The following KATNBL1 variants were observed in gnomAD, a reference collection of about 807,000 sequenced individuals.
KATNBL1 encodes KATNB1-like protein 1.
In KATNBL1, 28 loss-of-function variants were observed where a neutral mutation model predicts 44.7. That is an observed-to-expected ratio of 0.63 (90% confidence interval 0.46 to 0.86). The LOEUF is 0.86. Among genes scored for constraint, KATNBL1 ranks in the 40% least tolerant of loss-of-function variants. The pLI is 0.00. For missense variants in KATNBL1, 272 were observed against 350.7 expected (o/e 0.78, Z 1.79); for synonymous variants, 78 against 114.9 (o/e 0.68, Z 2.06).
Position 34,146,848 on chromosome 15 carries a change from T to A in KATNBL1, c.701A>T (p.Tyr234Phe). ...AAGCCAGTTTAAACCAACTATAACA[T>A]ATCTGAAATGACATTTTGTTACAAA... is the stretch of plus-strand genomic sequence containing the variant. ...KSLLKSKFEE[Y>F]VIVGLNWLQA... The change falls in exon 8 of 10, where the codon TAT becomes TTT. Residue 234 changes from tyrosine (Y) to phenylalanine (F), a missense_variant and splice_region_variant. Tyr to Phe is a conservative substitution (Grantham distance 22). This residue lies in a region of KATNBL1 where 111 missense variants were observed against 149.3 expected (regional missense o/e 0.74). Coordinates refer to ENST00000256544, the MANE Select transcript of KATNBL1 (RefSeq NM_024713.3). 1 of 1,577,598 alleles carries A rather than the reference T, an allele frequency of 6.3e-7. No individual in the cohort carries two copies.
chr15:34,165,623 C>T (rs902314974), intron 1 of KATNBL1, among the ~76,000 whole-genome samples: 1 of 151,962 alleles, frequency 6.6e-6, no homozygotes, highest in Non-Finnish European at 1.5e-5. Context: ...ATGGTGAAAC[C>T]CTGTCTCTAC....
chr15:34,188,859 G>T (rs982599289), intron 1 of KATNBL1, among the ~76,000 whole-genome samples: 1 of 152,164 alleles, frequency 6.6e-6, no homozygotes, highest in Non-Finnish European at 1.5e-5. Context: ...CTGACTGTCA[G>T]CTGCTTTTTG....
chr15:34,145,427 C>T lies in KATNBL1; in HGVS notation c.853G>A (p.Val285Ile). Residue 285 changes from valine to isoleucine, a missense_variant, in exon 9 of 10, where the codon GTT (valine) becomes ATT (isoleucine). Transcript: ENST00000256544. ...GCTATATTACCAGTATATCCTGGAA[C>T]CAAAGTAAGATGGTTTTCCTGTTCC... ...LWEQENHLTL[V>I]PGYTGNIAKD... The T allele has an allele frequency of 4.8e-6, 7 of 1,470,226 alleles. No homozygotes were observed. The highest frequency in any genetic ancestry group is 5.4e-6 in the Non-Finnish European group (6 of 1,115,944). The allele number at this position is 1,470,226 out of a possible 1,614,324, so 91.1% of individuals were successfully genotyped here.
chr15:34,182,835 A>G (rs900849499), intron 1 of KATNBL1, among the ~76,000 whole-genome samples: 5 of 152,228 alleles, frequency 3.3e-5, no homozygotes, highest in Non-Finnish European at 7.3e-5. Context: ...TGATTGCCAG[A>G]GACAGGGAAG....
intron 1 of KATNBL1, among the ~76,000 whole-genome samples, chr15:34,164,584 C>T (rs949631489): frequency 4.6e-5 from 7 of 151,716 alleles, no homozygotes. Flanking sequence ...CTAAAGAGGG[C>T]ATGTTGATGG....
intron 1 of KATNBL1, among the ~76,000 whole-genome samples, chr15:34,207,618 G>A (rs1455130463): frequency 5.1e-5 from 2 of 39,528 alleles, no homozygotes; most frequent in Non-Finnish European, 9.5e-5. Flanking sequence ...GGGATTACAG[G>A]TGTGAGCCAC....
At position 34,154,696 on chromosome 15, in the gene KATNBL1, A is replaced by G; in HGVS notation, c.118-12T>C. Reference sequence around the variant, plus strand: ...GGAGATTTCTTAACCTGAAAAATGAAAGTAGATAGTTGATGTTAGAAACAA... The same window carrying G: ...GGAGATTTCTTAACCTGAAAAATGAGAGTAGATAGTTGATGTTAGAAACAA... On this transcript the variant is annotated splice_polypyrimidine_tract_variant and intron_variant, in intron 2 of 9. Transcript: ENST00000256544. 1 of 1,545,314 alleles carries G rather than the reference A, an allele frequency of 6.5e-7. No individual in the cohort carries two copies. Among genetic ancestry groups the G allele is most frequent in the Non-Finnish European group, 8.9e-7 (1 of 1,117,886 alleles).
intron 1 of KATNBL1, among the ~76,000 whole-genome samples, chr15:34,181,619 CATATATATGTCCATATATATACACAT>C (rs1567531972): frequency 1.8e-5 from 2 of 110,776 alleles, no homozygotes; most frequent in Admixed American, 8.9e-5. Context: ...TATATATACA[CATATATATGTCCATATATATACACAT>C]ATATATGTCC....
intron 4 of KATNBL1, 109 bp from the exon 5 acceptor site, chr15:34,148,859 C>T (rs1484577964): frequency 1.6e-6 from 1 of 625,710 alleles, no homozygotes; most frequent in Non-Finnish European, 2.9e-6. Context: ...GCAAAAGTAA[C>T]TCCTTTTACT....
chr15:34,160,287 T>C (rs1439526716), intron 2 of KATNBL1, among the ~76,000 whole-genome samples: 2 of 152,214 alleles, frequency 1.3e-5, no homozygotes, highest in Non-Finnish European at 2.9e-5. Context: ...GATACTTTGT[T>C]GTATGGTGGA....
At chr15:34,179,182 T>A (rs11857684) in intron 1 of KATNBL1, among the ~76,000 whole-genome samples, 49,502 of 152,088 alleles carry the variant, frequency 0.33, 8,489 homozygotes, top group African/African-American at 0.45. Flanking sequence ...TTTATTTTGT[T>A]TAGTTCTAGA....
At chr15:34,159,792 C>T (rs1050636416) in intron 2 of KATNBL1, among the ~76,000 whole-genome samples, 7 of 152,062 alleles carry the variant, frequency 4.6e-5, no homozygotes, top group South Asian at 2.1e-4. Context: ...TCCCTGCATC[C>T]GGAATTAATA....
intron 4 of KATNBL1, 116 bp downstream of exon 4, chr15:34,152,670 CAAAT>C (rs767955146): frequency 1.2e-5 from 9 of 771,814 alleles, no homozygotes; most frequent in Non-Finnish European, 1.9e-5. Context: ...TACTATGACT[CAAAT>C]AAGTCTACAT....
At chr15:34,196,719 C>T (rs1890039414) in intron 1 of KATNBL1, among the ~76,000 whole-genome samples, 1 of 152,136 alleles carries the variant, frequency 6.6e-6, no homozygotes, top group South Asian at 2.1e-4. Flanking sequence ...CAAAACCAGA[C>T]TCCGTCTCAA....
At position 34,178,725 on chromosome 15, in the gene KATNBL1, C is replaced by T. The variant is rs1478529795; in HGVS notation, c.-14-15035G>A. ...GAGCTGAGATCGTGCCACTGCACTC[C>T]AGCCTGGGCGACAGAGCAAGACTCT... is the stretch of plus-strand genomic sequence containing the variant. On this transcript the variant is annotated intron_variant, in intron 1 of 9. Coordinates refer to ENST00000256544, the MANE Select transcript of KATNBL1 (RefSeq NM_024713.3). 7.1e-5 allele frequency among the ~76,000 whole-genome samples: 10 copies of T among 140,532 alleles called. No homozygotes were observed. In the East Asian group the frequency reaches 1.9e-3, roughly 26 times the overall value. 92.2% of individuals were successfully genotyped at this position (140,532 alleles called of 152,430 possible).
At chr15:34,177,727 T>G (rs1270756467) in intron 1 of KATNBL1, 3 of 150,990 alleles carry the variant, frequency 2.0e-5, no homozygotes, top group Non-Finnish European at 2.9e-5. Context: ...ATGGAACACA[T>G]CTAGACTTTT....
intron 3 of KATNBL1, among the ~76,000 whole-genome samples, chr15:34,153,507 T>C (rs1384283254): frequency 1.3e-5 from 2 of 152,214 alleles, no homozygotes; most frequent in Non-Finnish European, 2.9e-5. Context: ...CATCGTTTAA[T>C]ACAGTGGTTC....
At chr15:34,172,349 C>A (rs1280505248) in intron 1 of KATNBL1, among the ~76,000 whole-genome samples, 1 of 143,188 alleles carries the variant, frequency 7.0e-6, no homozygotes, top group Admixed American at 7.8e-5. Flanking sequence ...CTCTGCCTCC[C>A]AGGCTCAAGT....
chr15:34,200,656 T>G (rs1209793657), intron 1 of KATNBL1, among the ~76,000 whole-genome samples: 1 of 152,210 alleles, frequency 6.6e-6, no homozygotes, highest in Non-Finnish European at 1.5e-5. Context: ...TAAAGACAGA[T>G]GTCTGGAGAT....
Sources: allele counts gnomAD v4.1 joint callset (sites outside exome capture counted in the v4.1 genomes callset), GRCh38; gene constraint gnomAD v4.1.1; regional missense constraint gnomAD v4.1.1; transcripts MANE v1.5; gene names NCBI Gene and HGNC (gene_info 2026-07-23, HGNC 2026-07-21).